The following HTATIP2 variants were observed in gnomAD, a reference collection of about 807,000 sequenced individuals.
HTATIP2 encodes protein HTATIP2.
HTATIP2 carries 26 observed loss-of-function variants against 24.7 expected under a neutral mutation model. That is an observed-to-expected ratio of 1.05 (90% CI 0.77 to 1.46). The LOEUF (loss-of-function observed/expected upper bound fraction) is 1.46, where lower values mean the gene tolerates loss of function less well. Among genes scored for constraint, HTATIP2 ranks in the 40% most tolerant of loss-of-function variants. The probability of loss-of-function intolerance (pLI) is 0.00; values close to 1 mark genes in which losing one functional copy is unlikely to be tolerated. For missense variants in HTATIP2, 284 were observed against 289.6 expected, an observed-to-expected ratio of 0.98 and a Z score of 0.14; for synonymous variants, 99 against 113.2, an observed-to-expected ratio of 0.87 and a Z score of 0.79.
In HTATIP2 at chr11:20,364,094, G is replaced by A. The variant is rs1016263083; in HGVS notation, c.-144G>A. The A allele has an allele frequency of 1.4e-6, 2 of 1,387,094 alleles. No homozygotes were observed. The allele number at this position is 1,387,094 out of a possible 1,614,324, so 85.9% of individuals were successfully genotyped here. On this transcript the variant is annotated 5_prime_UTR_variant, in exon 1 of 5. The change creates a new upstream start codon in the 5' untranslated region. Transcript: ENST00000451739. ...ATGGCCGGGGAGCCGCGCCCCGCAC[G>A]TGACTCAGCACTTTCCCCAGAGCCC...
At position 20,376,463 on chromosome 11, in the gene HTATIP2, C is replaced by T. The variant is rs953264368; in HGVS notation, c.304-117C>T. 9.7e-6 allele frequency: 11 copies of T among 1,133,876 alleles called. No homozygotes were observed. The African/African-American group carries it at 1.7e-4, about 18-fold the overall frequency. The allele number at this position is 1,133,876 out of a possible 1,614,324, so 70.2% of individuals were successfully genotyped here. On this transcript the variant is annotated intron_variant, in intron 2 of 4. Transcript: ENST00000451739. ...CTGACTTTCATGTATTGCTTGGACACATTTTATTTAGATCTCCATCCTTCT... is the reference window on the plus strand; with the variant it reads ...CTGACTTTCATGTATTGCTTGGACATATTTTATTTAGATCTCCATCCTTCT...
Position 20,376,602 on chromosome 11 carries a change from G to A in HTATIP2, c.326G>A (p.Arg109Gln), listed in dbSNP as rs1848450316. The change falls in exon 3 of 5, where the codon CGA (arginine) becomes CAA (glutamine). Residue 109 changes from arginine (R) to glutamine (Q), a missense_variant. By Grantham distance (43) the Arg-to-Gln change is conservative (BLOSUM62 1). Coordinates refer to ENST00000451739, the MANE Select transcript of HTATIP2 (RefSeq NM_001098522.2). Reference sequence around the variant, plus strand: ...TAGGAGGGATTTGTTCGTGTTGACCGAGATTATGTGCTGAAGTCTGCAGAG... The same window carrying A: ...TAGGAGGGATTTGTTCGTGTTGACCAAGATTATGTGCTGAAGTCTGCAGAG... The part of the protein sequence containing the change: ...AGAEGFVRVD[R>Q]DYVLKSAELA... 7 of 1,613,890 alleles carry A rather than the reference G, an allele frequency of 4.3e-6. No homozygotes were observed. The highest frequency in any genetic ancestry group is 1.1e-5 in the South Asian group (1 of 91,054).
intron 1 of HTATIP2, among the ~76,000 whole-genome samples, chr11:20,365,638 C>T (rs1006779494): frequency 1.3e-5 from 2 of 152,078 alleles, no homozygotes; most frequent in African/African-American, 4.8e-5. Flanking sequence ...GTGTTCTCAC[C>T]GGTTTCATGG....
chr11:20,381,700 A>T (rs1468099835), intron 3 of HTATIP2, among the ~76,000 whole-genome samples: 2 of 152,148 alleles, frequency 1.3e-5, no homozygotes, highest in Non-Finnish European at 2.9e-5. Context: ...AACAAATTAG[A>T]TTTAAAGCAT....
chr11:20,363,888 A>G lies in HTATIP2; in HGVS notation c.-350A>G. The G allele has an allele frequency of 8.0e-7, 1 of 1,242,936 alleles. No homozygotes were observed. The highest frequency in any genetic ancestry group is 2.9e-4 in the Middle Eastern group (1 of 3,420). 77.0% of individuals were successfully genotyped at this position (1,242,936 alleles called of 1,614,324 possible). A position where few individuals can be genotyped will look rare whatever the true frequency, so the allele number is the denominator to read the frequency against. On this transcript the variant is annotated 5_prime_UTR_variant, in exon 1 of 5. Transcript: ENST00000451739. ...GCCCTGCTCCTGCTGCGTCGTGAGGACCCGGGGCCGGGGGCTGGCCCCAGG... is the reference window on the plus strand; with the variant it reads ...GCCCTGCTCCTGCTGCGTCGTGAGGGCCCGGGGCCGGGGGCTGGCCCCAGG...
chr11:20,382,111 C>A, intron 3 of HTATIP2, 67 bp from the exon 4 acceptor site: 1 of 931,310 alleles, frequency 1.1e-6, no homozygotes, highest in Non-Finnish European at 1.7e-6. Context: ...ACAAATTATT[C>A]TCTCTTAAAC....
At chr11:20,365,176 AC>A (rs904940303) in intron 1 of HTATIP2, among the ~76,000 whole-genome samples, 2 of 151,966 alleles carry the variant, frequency 1.3e-5, no homozygotes, top group African/African-American at 2.4e-5. Context: ...TAGAGACGAG[AC>A]AAGGTTTCAC....
intron 1 of HTATIP2, among the ~76,000 whole-genome samples, chr11:20,365,006 C>T (rs1213111473): frequency 1.5e-5 from 2 of 137,454 alleles, no homozygotes; most frequent in East Asian, 2.1e-4. Context: ...TTTTCTGAGA[C>T]GGAGTCTCAC....
chr11:20,364,353 TGGA>T lies in HTATIP2; in HGVS notation c.118_120del (p.Glu40del). Reference sequence around the variant, plus strand: ...GGCAGAGTGCTCTTAAAGGAAATCCTGGAGCAGGGCCTGTTTTCCAAAGTCACG... The same window carrying T: ...GGCAGAGTGCTCTTAAAGGAAATCCTGCAGGGCCTGTTTTCCAAAGTCACG... On this transcript the variant is annotated inframe_deletion, in exon 1 of 5. Transcript: ENST00000451739. 1 of 1,613,666 alleles carries T rather than the reference TGGA, an allele frequency of 6.2e-7. No individual in the cohort carries two copies. The highest frequency in any genetic ancestry group is 8.5e-7 in the Non-Finnish European group (1 of 1,179,690).
chr11:20,364,801 T>A (rs927874870), intron 1 of HTATIP2, among the ~76,000 whole-genome samples: 2 of 152,190 alleles, frequency 1.3e-5, no homozygotes, highest in African/African-American at 4.8e-5. Context: ...TCAGCCACTT[T>A]GCTGATTTTG....
intron 1 of HTATIP2, 119 bp downstream of exon 1, chr11:20,364,551 CT>C (rs1223223330): frequency 1.4e-5 from 12 of 888,226 alleles, no homozygotes; most frequent in Non-Finnish European, 2.0e-5. Flanking sequence ...GCCATCAAAA[CT>C]TGGCCAAGAT....
At chr11:20,377,912 A>G (rs1263320681) in intron 3 of HTATIP2, among the ~76,000 whole-genome samples, 3 of 152,196 alleles carry the variant, frequency 2.0e-5, no homozygotes, top group African/African-American at 7.2e-5. Flanking sequence ...ACACCTTTAA[A>G]TCCTTGCACC....
intron 2 of HTATIP2, among the ~76,000 whole-genome samples, chr11:20,368,047 T>C (rs1457478177): frequency 3.9e-5 from 6 of 152,174 alleles, no homozygotes; most frequent in Non-Finnish European, 7.3e-5. Flanking sequence ...GTTCTGCATA[T>C]GTATCCCAGA....
intron 2 of HTATIP2, among the ~76,000 whole-genome samples, chr11:20,369,828 A>G (rs2133267534): frequency 6.6e-6 from 1 of 152,312 alleles, no homozygotes; most frequent in African/African-American, 2.4e-5. Context: ...CAACATACGC[A>G]TTTTGGGGGG....
intron 2 of HTATIP2, chr11:20,376,301 T>G: frequency 2.4e-6 from 1 of 424,576 alleles, no homozygotes; most frequent in Non-Finnish European, 4.2e-6. Flanking sequence ...TACTGTTCCC[T>G]TTGTTCTTTG....
At chr11:20,366,252 C>T (rs7925136) in intron 1 of HTATIP2, among the ~76,000 whole-genome samples, 62,407 of 150,910 alleles carry the variant, frequency 0.41, 13,089 homozygotes, top group South Asian at 0.5. Context: ...CAGGTGCCTA[C>T]CACCACAACC....
At chr11:20,365,466 G>A (rs1305571876) in intron 1 of HTATIP2, among the ~76,000 whole-genome samples, 3 of 152,088 alleles carry the variant, frequency 2.0e-5, no homozygotes, top group South Asian at 2.1e-4. Flanking sequence ...ACAGAATTTG[G>A]CCCCACAGGT....
At chr11:20,374,985 A>C (rs572921165) in intron 2 of HTATIP2, among the ~76,000 whole-genome samples, 1 of 152,242 alleles carries the variant, frequency 6.6e-6, no homozygotes, top group South Asian at 2.1e-4. Flanking sequence ...TGCCTACCAC[A>C]ATCACGGATT....
intron 2 of HTATIP2, among the ~76,000 whole-genome samples, chr11:20,374,698 T>C (rs1437412851): frequency 1.3e-5 from 2 of 152,206 alleles, no homozygotes; most frequent in Non-Finnish European, 2.9e-5. Context: ...AGCACCCTAA[T>C]TCTAAACACT....
Sources: gnomAD v4.1 joint callset for allele counts (sites outside exome capture counted in the v4.1 genomes callset) on GRCh38, gnomAD v4.1.1 for gene constraint, MANE v1.5 for transcripts, NCBI Gene and HGNC (gene_info 2026-07-23, HGNC 2026-07-21) for gene names.